Variants in RBMS2 observed in about 807,000 individuals in gnomAD.
The protein encoded by RBMS2 is RNA binding motif single stranded interacting protein 2, also known as RNA-binding motif, single-stranded-interacting protein 2.
RBMS2 carries 38 observed loss-of-function variants against 58.4 expected under a neutral mutation model. The ratio of observed to expected loss-of-function variants is 0.65; its 90% confidence interval spans 0.50 to 0.85. The LOEUF is 0.85. Among genes scored for constraint, RBMS2 ranks in the 40% least tolerant of loss-of-function variants. The pLI is 0.00. For missense variants in RBMS2, 367 were observed against 503.7 expected (o/e 0.73, Z 2.60); for synonymous variants, 151 against 180.7 (o/e 0.84, Z 1.32).
At chr12:56,570,142 G>T in intron 4 of RBMS2, 152 bp downstream of exon 4, 1 of 624,700 alleles carries the variant, frequency 1.6e-6, no homozygotes, top group Non-Finnish European at 2.8e-6. Context: ...AGCACCCCTG[G>T]CTGCTGGAGG....
At chr12:56,555,915 G>A (rs1159036869) in intron 1 of RBMS2, among the ~76,000 whole-genome samples, 1 of 151,940 alleles carries the variant, frequency 6.6e-6, no homozygotes, top group African/African-American at 2.4e-5. Context: ...GTGTGGTGGT[G>A]TGTGCCTTTA....
chr12:56,536,534 T>G (rs1874876873), intron 1 of RBMS2, among the ~76,000 whole-genome samples: 1 of 132,888 alleles, frequency 7.5e-6, no homozygotes, highest in South Asian at 2.1e-4. Flanking sequence ...CTTTCTTTTC[T>G]CTCTTTCTCT....
intron 1 of RBMS2, among the ~76,000 whole-genome samples, chr12:56,538,021 A>G (rs1875251495): frequency 9.8e-6 from 1 of 101,572 alleles, no homozygotes; most frequent in Non-Finnish European, 2.2e-5. Context: ...TGCTTATTTT[A>G]TTTTATTTAT....
chr12:56,573,683 T>C (rs1882702059), intron 5 of RBMS2, among the ~76,000 whole-genome samples: 2 of 151,882 alleles, frequency 1.3e-5, no homozygotes, highest in African/African-American at 4.8e-5. Flanking sequence ...AGTTATCTAA[T>C]AGTTTTTCAC....
intron 1 of RBMS2, among the ~76,000 whole-genome samples, chr12:56,551,387 G>C (rs1480582033): frequency 1.3e-5 from 2 of 152,182 alleles, no homozygotes; most frequent in East Asian, 3.9e-4. Flanking sequence ...TAAAATCTTA[G>C]ATGTCTGGGA....
At chr12:56,583,603 G>A (rs1038710902) in intron 9 of RBMS2, among the ~76,000 whole-genome samples, 4 of 151,770 alleles carry the variant, frequency 2.6e-5, no homozygotes, top group African/African-American at 9.7e-5. Flanking sequence ...GTGGTGAGCC[G>A]AGATCGCGCC....
chr12:56,571,772 G>T lies in RBMS2; in HGVS notation c.459G>T (p.Gly153=). ...PLSMDEQELE[G]MLKPFGQVIS... ...CAATGGATGAGCAGGAACTGGAGGG[G>T]ATGCTGAAGCCCTTTGGCCAGGTTA... The change falls in exon 5 of 14, where the codon GGG becomes GGT. Residue 153 remains glycine, a synonymous_variant. Transcript: ENST00000262031. 1 of 1,603,856 alleles carries T rather than the reference G, an allele frequency of 6.2e-7. No homozygotes were observed. The highest frequency in any genetic ancestry group is 8.5e-7 in the Non-Finnish European group (1 of 1,173,996).
chr12:56,575,898 GAA>G (rs80050555), intron 5 of RBMS2, among the ~76,000 whole-genome samples: 4 of 132,604 alleles, frequency 3.0e-5, no homozygotes, highest in African/African-American at 8.2e-5. Context: ...CCATCTCAAA[GAA>G]AAAAAAAAAA....
intron 10 of RBMS2, 37 bp downstream of exon 10, chr12:56,586,963 A>G (rs779122129): frequency 6.3e-7 from 1 of 1,583,482 alleles, no homozygotes. Flanking sequence ...CAAAGAGGCA[A>G]TTTGATGTAA....
Position 56,581,892 on chromosome 12 carries a change from A to G in RBMS2, c.779+13A>G, listed in dbSNP as rs767133477. The G allele has an allele frequency of 6.2e-7, 1 of 1,613,392 alleles. No individual in the cohort carries two copies. Among genetic ancestry groups the G allele is most frequent in the South Asian group, 1.1e-5 (1 of 91,064 alleles). Reference sequence around the variant, plus strand: ...CTCTTCAGAATGGGTAAGGTTTTATATAATCAAGCCACCTGAAAATGATAA... The same window carrying G: ...CTCTTCAGAATGGGTAAGGTTTTATGTAATCAAGCCACCTGAAAATGATAA... On this transcript the variant is annotated intron_variant, in intron 8 of 13. Coordinates refer to ENST00000262031, the MANE Select transcript of RBMS2 (RefSeq NM_002898.4).
At chr12:56,526,514 A>G (rs1872663782) in intron 1 of RBMS2, among the ~76,000 whole-genome samples, 3 of 151,842 alleles carry the variant, frequency 2.0e-5, no homozygotes, top group Non-Finnish European at 4.4e-5. Context: ...CTTTTTTCTC[A>G]GGAAGTAGTG....
chr12:56,532,055 T>C (rs1873844514), intron 1 of RBMS2, among the ~76,000 whole-genome samples: 1 of 150,022 alleles, frequency 6.7e-6, no homozygotes, highest in South Asian at 2.1e-4. Context: ...CCTGTCTCTA[T>C]TAAAAAATAT....
chr12:56,560,856 C>T (rs1880264609), intron 1 of RBMS2, among the ~76,000 whole-genome samples: 1 of 152,020 alleles, frequency 6.6e-6, no homozygotes, highest in Non-Finnish European at 1.5e-5. Context: ...ATTATGTTGT[C>T]ACCCAGTTAT....
intron 1 of RBMS2, among the ~76,000 whole-genome samples, chr12:56,547,389 G>T (rs1308808106): frequency 1.3e-5 from 2 of 151,942 alleles, no homozygotes; most frequent in Non-Finnish European, 2.9e-5. Flanking sequence ...TATTGTTCTG[G>T]CTGGGTATGG....
In RBMS2 at chr12:56,530,072, TA is replaced by T. The variant is rs1555186831; in HGVS notation, c.66+7991del. The stretch of plus-strand genomic sequence containing the variant: ...TTACAGCGCCACATGCCCAGCTAAT[TA>T]AAAAAAATTTTTTTTATAGAGACAG... On this transcript the variant is annotated intron_variant, in intron 1 of 13. Coordinates refer to ENST00000262031, the MANE Select transcript of RBMS2 (RefSeq NM_002898.4). 5.3e-5 allele frequency among the ~76,000 whole-genome samples: 8 copies of T among 152,012 alleles called. No homozygotes were observed. In the South Asian group the frequency reaches 1.7e-3, roughly 32 times the overall value.
chr12:56,533,268 T>C (rs1380976778), intron 1 of RBMS2, among the ~76,000 whole-genome samples: 1 of 151,802 alleles, frequency 6.6e-6, no homozygotes, highest in Non-Finnish European at 1.5e-5. Flanking sequence ...ACCTGGCTAA[T>C]TTTAAAATTT....
upstream of RBMS2, chr12:56,521,779 C>T: frequency 2.0e-6 from 1 of 506,926 alleles, no homozygotes; most frequent in Non-Finnish European, 3.5e-6. Flanking sequence ...GCCTCTGCCT[C>T]ATTCAGACTC....
chr12:56,534,942 C>T (rs1344316676), intron 1 of RBMS2, among the ~76,000 whole-genome samples: 1 of 152,140 alleles, frequency 6.6e-6, no homozygotes. Context: ...CGCCCAGCCC[C>T]AGTAAATGTT....
At chr12:56,527,103 G>A (rs998456353) in intron 1 of RBMS2, among the ~76,000 whole-genome samples, 1 of 152,180 alleles carries the variant, frequency 6.6e-6, no homozygotes, top group Non-Finnish European at 1.5e-5. Flanking sequence ...ATTGTCATGA[G>A]TGTTTACTCA....
Sources: gnomAD v4.1 joint callset for allele counts (sites outside exome capture counted in the v4.1 genomes callset) on GRCh38, gnomAD v4.1.1 for gene constraint, MANE v1.5 for transcripts, NCBI Gene and HGNC (gene_info 2026-07-23, HGNC 2026-07-21) for gene names.